Variants in RELT observed in about 807,000 individuals in gnomAD.
RELT encodes tumor necrosis factor receptor superfamily member 19L.
RELT carries 37 observed loss-of-function variants against 51.1 expected under a neutral mutation model. The observed-to-expected ratio is 0.72, with a 90% CI of 0.56 to 0.95. RELT has a LOEUF of 0.95. Ranked by LOEUF, RELT falls within the 40% of genes least tolerant of loss-of-function variation. RELT has a pLI of 0.00. For synonymous variants in RELT, 241 were observed against 235.7 expected (o/e 1.02, Z -0.21); for missense variants, 535 against 572.6 (o/e 0.93, Z 0.67).
At chr11:73,381,435 A>G (rs1320505496) in intron 1 of RELT, among the ~76,000 whole-genome samples, 1 of 152,150 alleles carries the variant, frequency 6.6e-6, no homozygotes, top group Non-Finnish European at 1.5e-5. Context: ...GGCCTCCTGC[A>G]CAGACCCTTT....
intron 1 of RELT, among the ~76,000 whole-genome samples, chr11:73,387,552 G>A (rs77799851): frequency 0.029 from 4,463 of 152,294 alleles, 217 homozygotes; most frequent in African/African-American, 0.1. Flanking sequence ...ACCCTATACT[G>A]TGGCCCTACC....
At chr11:73,393,738 T>C in intron 6 of RELT, 99 bp from the exon 7 acceptor site, 1 of 1,565,528 alleles carries the variant, frequency 6.4e-7, no homozygotes. Flanking sequence ...CTCAGGGCCC[T>C]TAAGAAGGCC....
chr11:73,395,397 G>A, intron 10 of RELT, 47 bp from the exon 11 acceptor site: 1 of 1,245,282 alleles, frequency 8.0e-7, no homozygotes, highest in Non-Finnish European at 1.2e-6. Context: ...CCTGGAGCCA[G>A]AAGCCAGCCC....
At chr11:73,380,132 C>A (rs899340249) in intron 1 of RELT, among the ~76,000 whole-genome samples, 21 of 152,180 alleles carry the variant, frequency 1.4e-4, no homozygotes, top group Admixed American at 4.6e-4. Context: ...CTGTGGGTAC[C>A]GCATGCTCAG....
At chr11:73,392,705 G>C in intron 6 of RELT, 1 of 1,419,950 alleles carries the variant, frequency 7.0e-7, no homozygotes, top group South Asian at 1.5e-5. Flanking sequence ...TCCTACCCTG[G>C]GTGAAGCCTT....
chr11:73,382,036 G>A lies in RELT; in HGVS notation c.-26+5537G>A, dbSNP rs146472074. On this transcript the variant is annotated intron_variant, in intron 1 of 10. Coordinates refer to ENST00000064780, the MANE Select transcript of RELT (RefSeq NM_152222.2). Reference sequence around the variant, plus strand: ...ACCCCTGTTTGCAGAGGAAGACCCCGAAACTCAGGGAGGGTAAGTAACCTG... The same window carrying A: ...ACCCCTGTTTGCAGAGGAAGACCCCAAAACTCAGGGAGGGTAAGTAACCTG... Among the ~76,000 whole-genome samples the A allele has an allele frequency of 3.9e-5, 6 of 152,290 alleles. No homozygotes were observed. The East Asian group carries it at 7.7e-4, about 20-fold the overall frequency.
At chr11:73,393,228 G>C in intron 6 of RELT, 4 of 1,001,502 alleles carry the variant, frequency 4.0e-6, no homozygotes, top group Non-Finnish European at 3.6e-6. Flanking sequence ...GAGGAAACGT[G>C]GTGACTCAGG....
chr11:73,394,007 G>A lies in RELT; in HGVS notation c.706+90G>A, dbSNP rs1866264179. ...AGGCAGCCGCGGTGGGCAGAGTCTT[G>A]CCCTGCTCTGCCTTCCCTGCCAGGG... On this transcript the variant is annotated intron_variant, in intron 7 of 10. Transcript: ENST00000064780. The surrounding 1 kb of genome is among the most constrained non-coding windows in gnomAD (Gnocchi z 4.9). 1.5e-6 allele frequency: 2 copies of A among 1,292,788 alleles called. No homozygotes were observed. Among genetic ancestry groups the A allele is most frequent in the Non-Finnish European group, 2.2e-6 (2 of 892,956 alleles). The allele number at this position is 1,292,788 out of a possible 1,614,324, so 80.1% of individuals were successfully genotyped here.
intron 1 of RELT, among the ~76,000 whole-genome samples, chr11:73,387,418 C>T (rs1476040932): frequency 6.6e-6 from 1 of 152,168 alleles, no homozygotes; most frequent in African/African-American, 2.4e-5. Flanking sequence ...GACAAGGGCA[C>T]AGGACACTTT....
Position 73,393,835 on chromosome 11 carries a change from A to T in RELT, c.626-2A>T. The T allele has an allele frequency of 6.2e-7, 1 of 1,613,888 alleles. No homozygotes were observed. Among genetic ancestry groups the T allele is most frequent in the Non-Finnish European group, 8.5e-7 (1 of 1,179,862 alleles). ...CAGGATCAGGGCCCTTCTCTTCCCCAGGAATCAACCCTGCCTACCGGACTG... is the reference window on the plus strand; with the variant it reads ...CAGGATCAGGGCCCTTCTCTTCCCCTGGAATCAACCCTGCCTACCGGACTG... On this transcript the variant is annotated splice_acceptor_variant, in intron 6 of 10. Transcript: ENST00000064780. LOFTEE classifies it high-confidence loss of function.
rs376175327 is a variant in RELT, at chr11:73,394,474, C to T, written c.789-3C>T. The T allele has an allele frequency of 1.8e-5, 29 of 1,609,728 alleles. No individual in the cohort carries two copies. Among genetic ancestry groups the T allele is most frequent in the Non-Finnish European group, 2.3e-5 (27 of 1,177,952 alleles). On this transcript the variant is annotated splice_polypyrimidine_tract_variant and splice_region_variant and intron_variant, in intron 8 of 10. Transcript: ENST00000064780. The surrounding 1 kb of genome is among the most constrained non-coding windows in gnomAD (Gnocchi z 4.9). ...TGGCCACTTCTGCCTGTGCCCCCTGCAGGCTGCCGCCAGCGCCCCCGAACG... is the reference window on the plus strand; with the variant it reads ...TGGCCACTTCTGCCTGTGCCCCCTGTAGGCTGCCGCCAGCGCCCCCGAACG...
intron 2 of RELT, among the ~76,000 whole-genome samples, chr11:73,389,863 G>C (rs1866182951): frequency 6.6e-6 from 1 of 152,198 alleles, no homozygotes; most frequent in South Asian, 2.1e-4. Flanking sequence ...ATCCAGCCTA[G>C]GCCAAATTGG....
At chr11:73,380,816 G>A (rs944859270) in intron 1 of RELT, among the ~76,000 whole-genome samples, 3 of 152,176 alleles carry the variant, frequency 2.0e-5, no homozygotes, top group South Asian at 2.1e-4. Flanking sequence ...TGTGTTTGGC[G>A]CCATTCCCCA....
Position 73,394,806 on chromosome 11 carries a change from G to A in RELT, c.1046+72G>A. The stretch of plus-strand genomic sequence containing the variant: ...CTGGGGGCCGGGAGGGGGAGGCAGG[G>A]CCCCAGCTTGGGCCCTGAGCACCCT... On this transcript the variant is annotated intron_variant, in intron 9 of 10. Transcript: ENST00000064780. This position sits in a 1 kb window ranked among gnomAD's most constrained non-coding sequence, Gnocchi z 4.9. 1.3e-6 allele frequency: 2 copies of A among 1,541,594 alleles called. No homozygotes were observed. Among genetic ancestry groups the A allele is most frequent in the Non-Finnish European group, 1.7e-6 (2 of 1,143,044 alleles).
chr11:73,386,563 CTG>C (rs569923561), intron 1 of RELT, among the ~76,000 whole-genome samples: 243 of 152,252 alleles, frequency 1.6e-3, no homozygotes, highest in African/African-American at 5.7e-3. Context: ...GGCAGCCAGA[CTG>C]GAGTAAGTGC....
In RELT at chr11:73,394,026, G is replaced by T; in HGVS notation, c.706+109G>T. 1 of 1,171,466 alleles carries T rather than the reference G, an allele frequency of 8.5e-7. No homozygotes were observed. Among genetic ancestry groups the T allele is most frequent in the Non-Finnish European group, 1.3e-6 (1 of 788,232 alleles). The allele number at this position is 1,171,466 out of a possible 1,614,324, so 72.6% of individuals were successfully genotyped here. A position where few individuals can be genotyped will look rare whatever the true frequency, so the allele number is the denominator to read the frequency against. ...AGTCTTGCCCTGCTCTGCCTTCCCTGCCAGGGTGCCTCAAGCAGCCTGGTG... is the reference window on the plus strand; with the variant it reads ...AGTCTTGCCCTGCTCTGCCTTCCCTTCCAGGGTGCCTCAAGCAGCCTGGTG... On this transcript the variant is annotated intron_variant, in intron 7 of 10. Coordinates refer to ENST00000064780, the MANE Select transcript of RELT (RefSeq NM_152222.2). This position sits in a 1 kb window ranked among gnomAD's most constrained non-coding sequence, Gnocchi z 4.9.
chr11:73,391,841 G>T (rs1050194652), intron 5 of RELT: 1 of 374,674 alleles, frequency 2.7e-6, no homozygotes, highest in Non-Finnish European at 5.0e-6. Context: ...ACCTCCTCCC[G>T]CCACTGAGTC....
chr11:73,377,681 A>ACCCCCCC (rs150993049), intron 1 of RELT, among the ~76,000 whole-genome samples: 1 of 145,150 alleles, frequency 6.9e-6, no homozygotes, highest in African/African-American at 2.6e-5. Context: ...TTGTTCTCAG[A>ACCCCCCC]CCCCCCCGCC....
chr11:73,389,865 C>T (rs752283747), intron 2 of RELT, among the ~76,000 whole-genome samples: 1 of 152,134 alleles, frequency 6.6e-6, no homozygotes, highest in East Asian at 1.9e-4. Context: ...CCAGCCTAGG[C>T]CAAATTGGGG....
Sources: gnomAD v4.1 joint callset for allele counts (sites outside exome capture counted in the v4.1 genomes callset) on GRCh38, gnomAD v4.1.1 for gene constraint, Gnocchi (gnomAD v3.1) non-coding constraint, MANE v1.5 for transcripts, NCBI Gene and HGNC (gene_info 2026-07-23, HGNC 2026-07-21) for gene names.